Variants in LOC128092253 observed in about 807,000 individuals in gnomAD.
At chr6:133,959,483 C>A in the LOC128092253 span, among the ~76,000 whole-genome samples, 1 of 151,894 alleles carries the variant, frequency 6.6e-6, no homozygotes, top group East Asian at 1.9e-4. Flanking sequence ...TTCTTTCTTT[C>A]TTTTTGTTTT....
the LOC128092253 span, among the ~76,000 whole-genome samples, chr6:133,956,016 A>G: frequency 6.6e-6 from 1 of 152,206 alleles, no homozygotes; most frequent in Non-Finnish European, 1.5e-5. Context: ...TCTCATGGAC[A>G]TGGCACATTA....
At chr6:133,958,821 A>G in the LOC128092253 span, among the ~76,000 whole-genome samples, 4 of 152,104 alleles carry the variant, frequency 2.6e-5, no homozygotes, top group Admixed American at 1.3e-4. Flanking sequence ...TGCAGGGTAA[A>G]GTGTTATAAT....
chr6:133,966,083 A>T, the LOC128092253 span, among the ~76,000 whole-genome samples: 2 of 152,176 alleles, frequency 1.3e-5, no homozygotes, highest in East Asian at 3.8e-4. Context: ...AGAGACAGAA[A>T]GAAACAGAGA....
the LOC128092253 span, among the ~76,000 whole-genome samples, chr6:133,954,838 C>G: frequency 1.3e-5 from 2 of 152,122 alleles, no homozygotes; most frequent in Non-Finnish European, 2.9e-5. Context: ...ACTCTAGTGA[C>G]CTATTACTAT....
the LOC128092253 span, among the ~76,000 whole-genome samples, chr6:133,966,067 A>G: frequency 6.6e-6 from 1 of 152,152 alleles, no homozygotes; most frequent in Non-Finnish European, 1.5e-5. Context: ...AACTTCAGAG[A>G]CAGAGAGAGA....
the LOC128092253 span, among the ~76,000 whole-genome samples, chr6:133,964,397 C>A: frequency 2.2e-3 from 333 of 150,450 alleles, 9 homozygotes; most frequent in East Asian, 0.048. Flanking sequence ...TTTTTTAAAC[C>A]AGAAATGTTT....
chr6:133,963,739 G>A, the LOC128092253 span, among the ~76,000 whole-genome samples: 70 of 151,744 alleles, frequency 4.6e-4, no homozygotes, highest in Non-Finnish European at 8.1e-4. Context: ...TTTCTTGATC[G>A]TTAAGAACCG....
chr6:133,966,776 C>G, the LOC128092253 span, among the ~76,000 whole-genome samples: 1 of 151,604 alleles, frequency 6.6e-6, no homozygotes. Flanking sequence ...CACTCTATCT[C>G]TTAAAACTGC....
chr6:133,974,032 G>C, the LOC128092253 span, among the ~76,000 whole-genome samples: 2 of 146,262 alleles, frequency 1.4e-5, no homozygotes, highest in African/African-American at 2.5e-5. Flanking sequence ...TCACCCTGCT[G>C]TGCCAATTCT....
the LOC128092253 span, among the ~76,000 whole-genome samples, chr6:133,966,876 ATTC>A: frequency 6.6e-6 from 1 of 152,054 alleles, no homozygotes; most frequent in African/African-American, 2.4e-5. Context: ...TGTGCTACCC[ATTC>A]TTCTCTTTCA....
chr6:133,965,451 A>G, the LOC128092253 span, among the ~76,000 whole-genome samples: 2 of 152,262 alleles, frequency 1.3e-5, no homozygotes, highest in East Asian at 3.9e-4. Context: ...AATCTAGCAT[A>G]ATACCTATTT....
At chr6:133,963,773 G>A in the LOC128092253 span, among the ~76,000 whole-genome samples, 1 of 151,452 alleles carries the variant, frequency 6.6e-6, no homozygotes, top group African/African-American at 2.4e-5. Flanking sequence ...GCTCACGCCT[G>A]TAATCCCAGC....
chr6:133,957,423 T>A, the LOC128092253 span, among the ~76,000 whole-genome samples: 20,512 of 152,164 alleles, frequency 0.13, 1,859 homozygotes, highest in African/African-American at 0.27. Context: ...GTGTAGACAT[T>A]GGCCCATGGT....
At chr6:133,957,978 T>C in the LOC128092253 span, among the ~76,000 whole-genome samples, 89 of 152,346 alleles carry the variant, frequency 5.8e-4, no homozygotes, top group African/African-American at 2.1e-3. Context: ...TCTTTCTTTC[T>C]TTCTGTTCAC....
the LOC128092253 span, among the ~76,000 whole-genome samples, chr6:133,961,735 A>G: frequency 2.0e-5 from 3 of 152,118 alleles, no homozygotes; most frequent in African/African-American, 7.2e-5. Flanking sequence ...AAGTGCTGGG[A>G]TTACAGGTGT....
chr6:133,966,158 C>T, the LOC128092253 span, among the ~76,000 whole-genome samples: 1 of 152,126 alleles, frequency 6.6e-6, no homozygotes, highest in Middle Eastern at 3.4e-3. Flanking sequence ...TTTTTAATAA[C>T]CTCAAGCTTA....
At chr6:133,972,204 TA>T in the LOC128092253 span, among the ~76,000 whole-genome samples, 4 of 152,156 alleles carry the variant, frequency 2.6e-5, no homozygotes, top group African/African-American at 9.7e-5. Context: ...TCTACATCTC[TA>T]AAAAAAGTCT....
At chr6:133,977,529 C>T in the LOC128092253 span, among the ~76,000 whole-genome samples, 1,849 of 152,140 alleles carry the variant, frequency 0.012, 32 homozygotes, top group African/African-American at 0.043. Flanking sequence ...AGTAGTAAAT[C>T]TGAGTCAATT....
the LOC128092253 span, among the ~76,000 whole-genome samples, chr6:133,977,219 A>T: frequency 3.3e-5 from 5 of 152,222 alleles, no homozygotes; most frequent in East Asian, 1.9e-4. Flanking sequence ...TTTATATTGC[A>T]TCTTTAATTG....
Sources: gnomAD v4.1 joint callset for allele counts (sites outside exome capture counted in the v4.1 genomes callset) on GRCh38, gnomAD v4.1.1 for gene constraint, MANE v1.5 for transcripts.